MCPH1: variants seen among roughly 807,000 people sequenced by gnomAD.
MCPH1 encodes the protein microcephalin 1, also known as microcephalin.
Under a neutral mutation model 84.5 loss-of-function variants are expected in MCPH1, and 104 were observed. The observed-to-expected ratio is 1.23, with a 90% CI of 1.05 to 1.45. The LOEUF is 1.45. Ranked by LOEUF, MCPH1 falls within the 40% of genes most tolerant of loss-of-function variation. The pLI is 0.00. For missense variants in MCPH1, 1,498 were observed against 1,005.7 expected (o/e 1.49, Z -6.62); for synonymous variants, 514 against 366.8 (o/e 1.40, Z -4.58).
At chr8:6,448,748 T>A (rs1283808829) in intron 8 of MCPH1, among the ~76,000 whole-genome samples, 3 of 152,198 alleles carry the variant, frequency 2.0e-5, no homozygotes, top group Non-Finnish European at 4.4e-5. Context: ...TATATTTACA[T>A]ATTGGTACCA....
At chr8:6,514,621 G>T in intron 12 of MCPH1, 1 of 1,489,634 alleles carries the variant, frequency 6.7e-7, no homozygotes, top group Non-Finnish European at 9.4e-7. Flanking sequence ...CGCAGATCTT[G>T]AAAGCTATTT....
At chr8:6,457,613 A>C (rs1805839176) in intron 9 of MCPH1, among the ~76,000 whole-genome samples, 1 of 152,108 alleles carries the variant, frequency 6.6e-6, no homozygotes, top group African/African-American at 2.4e-5. Flanking sequence ...TCAAAAATAA[A>C]TAAATAAATG....
At chr8:6,543,295 G>A (rs532825417) in intron 12 of MCPH1, among the ~76,000 whole-genome samples, 3 of 152,304 alleles carry the variant, frequency 2.0e-5, no homozygotes, top group East Asian at 1.9e-4. Context: ...CTACTGACCC[G>A]CCGTCCGCAA....
At chr8:6,581,526 C>G (rs1286686580) in intron 12 of MCPH1, among the ~76,000 whole-genome samples, 2 of 152,202 alleles carry the variant, frequency 1.3e-5, no homozygotes, top group Non-Finnish European at 2.9e-5. Flanking sequence ...ATTTAAACAT[C>G]AGGATCTCAT....
chr8:6,460,382 T>C (rs1042216741), intron 9 of MCPH1, among the ~76,000 whole-genome samples: 37 of 152,262 alleles, frequency 2.4e-4, no homozygotes, highest in Non-Finnish European at 2.8e-4. Context: ...ATTTATTTTT[T>C]TTAATTATTT....
chr8:6,595,888 G>A (rs1828890737), intron 12 of MCPH1, among the ~76,000 whole-genome samples: 1 of 152,154 alleles, frequency 6.6e-6, no homozygotes, highest in African/African-American at 2.4e-5. Context: ...AAAAGTTAGG[G>A]TGCAACCATT....
intron 12 of MCPH1, among the ~76,000 whole-genome samples, chr8:6,559,695 C>A (rs1169295686): frequency 6.6e-6 from 1 of 152,110 alleles, no homozygotes; most frequent in Non-Finnish European, 1.5e-5. Flanking sequence ...TTCCTGTGGT[C>A]TCCTAGCAAA....
At position 6,643,776 on chromosome 8, in the gene MCPH1, A is replaced by G. The variant is rs957906013; in HGVS notation, c.*727A>G. 6.5e-6 allele frequency: 1 copy of G among 152,690 alleles called. No homozygotes were observed. Among genetic ancestry groups the G allele is most frequent in the African/African-American group, 2.4e-5 (1 of 41,446 alleles). The allele number at this position is 152,690 out of a possible 1,614,324, so 9.5% of individuals were successfully genotyped here. A position where few individuals can be genotyped will look rare whatever the true frequency, so the allele number is the denominator to read the frequency against. Reference sequence around the variant, plus strand: ...TAGCGGAGATTCCTCTCTTAAAGTAATGAAAGGAGATAGGTATGGGGGGTG... The same window carrying G: ...TAGCGGAGATTCCTCTCTTAAAGTAGTGAAAGGAGATAGGTATGGGGGGTG... On this transcript the variant is annotated 3_prime_UTR_variant, in exon 14 of 14. Transcript: ENST00000344683.
intron 3 of MCPH1, among the ~76,000 whole-genome samples, chr8:6,423,108 A>G (rs1418165210): frequency 3.4e-5 from 5 of 148,838 alleles, no homozygotes; most frequent in Admixed American, 1.3e-4. Flanking sequence ...GGTAAGAGCC[A>G]CCGTGCCTGG....
intron 12 of MCPH1, among the ~76,000 whole-genome samples, chr8:6,565,002 T>C (rs913098280): frequency 1.1e-4 from 17 of 152,102 alleles, no homozygotes; most frequent in African/African-American, 4.1e-4. Flanking sequence ...TCCACCAAGG[T>C]TCTGGACATG....
At chr8:6,480,494 C>G (rs537519189) in intron 10 of MCPH1, among the ~76,000 whole-genome samples, 6 of 152,190 alleles carry the variant, frequency 3.9e-5, no homozygotes, top group Non-Finnish European at 4.4e-5. Flanking sequence ...AGCCTGTGGG[C>G]TTGTCTTCTC....
intron 11 of MCPH1, among the ~76,000 whole-genome samples, chr8:6,498,013 A>T (rs1975618): frequency 0.31 from 47,280 of 152,074 alleles, 7,594 homozygotes; most frequent in East Asian, 0.49. Flanking sequence ...CAGTGCAATA[A>T]GGGGGAAAAT....
intron 11 of MCPH1, chr8:6,494,626 G>A (rs980846049): frequency 6.6e-5 from 10 of 152,190 alleles, no homozygotes; most frequent in African/African-American, 1.7e-4. Flanking sequence ...TGAACACACC[G>A]AGTGAAAGGA....
intron 9 of MCPH1, among the ~76,000 whole-genome samples, chr8:6,472,491 A>G (rs1344981378): frequency 6.6e-6 from 1 of 152,036 alleles, no homozygotes; most frequent in Non-Finnish European, 1.5e-5. Flanking sequence ...TTTGAGATGG[A>G]GACTCACTCT....
intron 13 of MCPH1, among the ~76,000 whole-genome samples, chr8:6,629,990 C>G (rs375375598): frequency 6.6e-6 from 1 of 152,218 alleles, no homozygotes; most frequent in Non-Finnish European, 1.5e-5. Context: ...GTTCCACAAA[C>G]TTCCCCAGTT....
intron 12 of MCPH1, among the ~76,000 whole-genome samples, chr8:6,566,550 C>T (rs1826165415): frequency 6.6e-6 from 1 of 152,030 alleles, no homozygotes; most frequent in Non-Finnish European, 1.5e-5. Context: ...TGGCCATTAA[C>T]AGGGCACACA....
At chr8:6,434,281 T>C (rs574242368) in intron 4 of MCPH1, among the ~76,000 whole-genome samples, 1 of 152,284 alleles carries the variant, frequency 6.6e-6, no homozygotes, top group South Asian at 2.1e-4. Flanking sequence ...TGGAGTGTCT[T>C]CTTGTATACT....
chr8:6,624,657 T>A (rs915093422), intron 13 of MCPH1, among the ~76,000 whole-genome samples: 1 of 152,206 alleles, frequency 6.6e-6, no homozygotes, highest in Non-Finnish European at 1.5e-5. Context: ...TGCTAAACAT[T>A]ATCCTTTAAT....
At chr8:6,610,394 C>T (rs1325630322) in intron 12 of MCPH1, among the ~76,000 whole-genome samples, 1 of 152,180 alleles carries the variant, frequency 6.6e-6, no homozygotes, top group Non-Finnish European at 1.5e-5. Context: ...TTAGAATATC[C>T]TTTTATAACT....
Sources: allele counts gnomAD v4.1 joint callset (sites outside exome capture counted in the v4.1 genomes callset), GRCh38; gene constraint gnomAD v4.1.1; transcripts MANE v1.5; gene names NCBI Gene and HGNC (gene_info 2026-07-23, HGNC 2026-07-21).